ERBB4: variants seen among roughly 807,000 people sequenced by gnomAD.
The protein encoded by ERBB4 is erb-b2 receptor tyrosine kinase 4.
In ERBB4, 42 loss-of-function variants were observed where a neutral mutation model predicts 158.0. That is an observed-to-expected ratio of 0.27 (90% CI 0.21 to 0.34). ERBB4 has a LOEUF of 0.34. ERBB4 is among the 10% of genes least tolerant of loss of function. The pLI is 1.00. For missense variants in ERBB4, 1,333 were observed against 1,624.1 expected (o/e 0.82, Z 3.08); for synonymous variants, 583 against 558.7 (o/e 1.04, Z -0.61).
intron 20 of ERBB4, among the ~76,000 whole-genome samples, chr2:211,467,918 G>A (rs562162933): frequency 6.6e-6 from 1 of 152,218 alleles, no homozygotes; most frequent in African/African-American, 2.4e-5. Context: ...TACCTTAAAT[G>A]GAAAATCTTG....
At chr2:211,988,612 G>A (rs986959695) in intron 2 of ERBB4, among the ~76,000 whole-genome samples, 2 of 152,006 alleles carry the variant, frequency 1.3e-5, no homozygotes, top group African/African-American at 2.4e-5. Flanking sequence ...TACAATTGAA[G>A]ATGGGAATAA....
chr2:212,132,787 G>A (rs751027245), intron 1 of ERBB4, among the ~76,000 whole-genome samples: 25 of 151,848 alleles, frequency 1.6e-4, no homozygotes, highest in Admixed American at 3.3e-4. Flanking sequence ...GTGTGTGTGC[G>A]CGCTATATAT....
rs563778181 is a variant in ERBB4 at position 212,105,171 on chromosome 2, T to C, written c.234+19581A>G. Among the ~76,000 whole-genome samples, 3 of 152,312 alleles carry C rather than the reference T, an allele frequency of 2.0e-5. No homozygotes were observed. In the South Asian group the frequency reaches 6.2e-4, roughly 32 times the overall value. ...CCTAAACTTCATGCAGAAAACCTAA[T>C]ATGAAAAGTCCATTGAGTCACCAGC... On this transcript the variant is annotated intron_variant, in intron 2 of 27. Coordinates refer to ENST00000342788, the MANE Select transcript of ERBB4 (RefSeq NM_005235.3).
intron 3 of ERBB4, among the ~76,000 whole-genome samples, chr2:211,868,740 A>G (rs1423686351): frequency 6.6e-6 from 1 of 152,206 alleles, no homozygotes; most frequent in Non-Finnish European, 1.5e-5. Flanking sequence ...TATAAAATAT[A>G]TTGAAATGAC....
At chr2:212,478,497 G>A (rs1173161432) in intron 1 of ERBB4, among the ~76,000 whole-genome samples, 1 of 152,022 alleles carries the variant, frequency 6.6e-6, no homozygotes, top group Non-Finnish European at 1.5e-5. Context: ...AGAGTATTCA[G>A]TGATAGAAGT....
intron 4 of ERBB4, among the ~76,000 whole-genome samples, chr2:211,784,863 T>TGTTGAGCA (rs2076119781): frequency 6.6e-6 from 1 of 152,190 alleles, no homozygotes; most frequent in Non-Finnish European, 1.5e-5. Context: ...TGATTAGTAA[T>TGTTGAGCA]GTTGAGCATC....
intron 5 of ERBB4, among the ~76,000 whole-genome samples, chr2:211,745,631 A>T (rs2074942060): frequency 6.7e-6 from 1 of 149,986 alleles, no homozygotes; most frequent in Non-Finnish European, 1.5e-5. Context: ...GCTATTATTG[A>T]TTGGGTTTTG....
chr2:212,064,733 G>A (rs573417440), intron 2 of ERBB4, among the ~76,000 whole-genome samples: 4 of 151,998 alleles, frequency 2.6e-5, no homozygotes, highest in Non-Finnish European at 5.9e-5. Flanking sequence ...AATAGGCATT[G>A]ACACATAGGA....
chr2:211,623,872 A>T (rs566926868), intron 18 of ERBB4, 50 bp downstream of exon 18: 1 of 1,591,470 alleles, frequency 6.3e-7, no homozygotes, highest in Admixed American at 1.7e-5. Context: ...ATTATTTTCT[A>T]AACATCTAAA....
intron 20 of ERBB4, among the ~76,000 whole-genome samples, chr2:211,482,623 A>G (rs1023262156): frequency 1.1e-4 from 17 of 152,124 alleles, no homozygotes; most frequent in African/African-American, 3.9e-4. Context: ...TAAATTAATC[A>G]GGCCGGGTGC....
Position 212,162,223 on chromosome 2 carries a change from C to A in ERBB4, c.83-37320G>T, listed in dbSNP as rs193155026. Among the ~76,000 whole-genome samples the A allele has an allele frequency of 6.6e-3, 1,003 of 151,858 alleles. 7 individuals are homozygous for A. The highest frequency in any genetic ancestry group is 0.024 in the Middle Eastern group (7 of 294). On this transcript the variant is annotated intron_variant, in intron 1 of 27. Transcript: ENST00000342788. Reference sequence around the variant, plus strand: ...TAAATTATAATATATTCATGCAATGCAATACTACTTAGGAATGAAAAGGAG... The same window carrying A: ...TAAATTATAATATATTCATGCAATGAAATACTACTTAGGAATGAAAAGGAG...
At chr2:211,826,087 A>T (rs2077094565) in intron 3 of ERBB4, among the ~76,000 whole-genome samples, 1 of 151,624 alleles carries the variant, frequency 6.6e-6, no homozygotes, top group Admixed American at 6.6e-5. Flanking sequence ...GGGCTTCCAT[A>T]CAGAACTAAG....
intron 1 of ERBB4, among the ~76,000 whole-genome samples, chr2:212,153,733 A>G (rs879331788): frequency 2.0e-5 from 3 of 152,172 alleles, no homozygotes; most frequent in Non-Finnish European, 2.9e-5. Flanking sequence ...TGTGACACAG[A>G]GCTTTTATGC....
chr2:212,382,624 A>C (rs1458188630), intron 1 of ERBB4, among the ~76,000 whole-genome samples: 1 of 151,110 alleles, frequency 6.6e-6, no homozygotes, highest in Non-Finnish European at 1.5e-5. Flanking sequence ...AAATACTTGA[A>C]TAAAGAACTC....
intron 2 of ERBB4, among the ~76,000 whole-genome samples, chr2:211,961,411 G>A (rs917024979): frequency 2.0e-5 from 3 of 152,068 alleles, no homozygotes; most frequent in Non-Finnish European, 2.9e-5. Context: ...ATACAGTATC[G>A]ACCTGTTTGT....
chr2:212,301,505 A>T (rs1407286918), intron 1 of ERBB4, among the ~76,000 whole-genome samples: 1 of 151,420 alleles, frequency 6.6e-6, no homozygotes, highest in East Asian at 1.9e-4. Flanking sequence ...GAAATAGTTT[A>T]TTCAATCAAC....
chr2:211,539,475 C>T (rs1467418954), intron 20 of ERBB4, among the ~76,000 whole-genome samples: 1 of 151,940 alleles, frequency 6.6e-6, no homozygotes, highest in African/African-American at 2.4e-5. Context: ...CCCTTCCTTA[C>T]CTAAGTATTC....
chr2:212,439,184 C>G (rs182099144), intron 1 of ERBB4, among the ~76,000 whole-genome samples: 2 of 152,198 alleles, frequency 1.3e-5, no homozygotes, highest in South Asian at 4.1e-4. Context: ...CTCAAATTTA[C>G]AGATGAGTAA....
chr2:211,918,850 G>T (rs1282805338), intron 3 of ERBB4, among the ~76,000 whole-genome samples: 1 of 152,056 alleles, frequency 6.6e-6, no homozygotes, highest in African/African-American at 2.4e-5. Context: ...GTGGAACAAA[G>T]CTTCCATCTC....
Sources: allele counts gnomAD v4.1 joint callset (sites outside exome capture counted in the v4.1 genomes callset), GRCh38; gene constraint gnomAD v4.1.1; transcripts MANE v1.5; gene names NCBI Gene and HGNC (gene_info 2026-07-23, HGNC 2026-07-21).